Variants in MAGI3 observed in about 807,000 individuals in gnomAD.
MAGI3 encodes membrane-associated guanylate kinase, WW and PDZ domain-containing protein 3.
A neutral mutation model predicts 121.8 loss-of-function variants in MAGI3; 43 were observed. The ratio of observed to expected loss-of-function variants is 0.35; its 90% CI spans 0.28 to 0.46. MAGI3 has a LOEUF of 0.46. MAGI3 is among the 20% of genes least tolerant of loss of function. The probability of loss-of-function intolerance (pLI) is 1.00; values close to 1 mark genes in which losing one functional copy is unlikely to be tolerated. For missense variants in MAGI3, 1,547 were observed against 1,797.3 expected (o/e 0.86, Z 2.52); for synonymous variants, 553 against 639.3 (o/e 0.86, Z 2.04).
At chr1:113,513,774 A>C (rs1657740313) in intron 1 of MAGI3, among the ~76,000 whole-genome samples, 1 of 152,236 alleles carries the variant, frequency 6.6e-6, no homozygotes, top group Non-Finnish European at 1.5e-5. Flanking sequence ...CAAAATTGAC[A>C]AATGGGATCT....
At chr1:113,479,914 T>C (rs1051322864) in intron 1 of MAGI3, among the ~76,000 whole-genome samples, 1 of 152,162 alleles carries the variant, frequency 6.6e-6, no homozygotes, top group Admixed American at 6.5e-5. Context: ...TTCATTGTAT[T>C]CTTCAGTTCC....
chr1:113,529,763 A>G (rs1168824320), intron 1 of MAGI3, among the ~76,000 whole-genome samples: 1 of 152,178 alleles, frequency 6.6e-6, no homozygotes, highest in Non-Finnish European at 1.5e-5. Flanking sequence ...ATAAAACAAA[A>G]TATAATAATG....
intron 1 of MAGI3, among the ~76,000 whole-genome samples, chr1:113,485,654 G>A (rs1446927897): frequency 6.6e-6 from 1 of 152,158 alleles, no homozygotes; most frequent in African/African-American, 2.4e-5. Context: ...CTTCGCAGAA[G>A]CTTTATAGTT....
intron 16 of MAGI3, among the ~76,000 whole-genome samples, chr1:113,670,073 C>T (rs773250382): frequency 1.3e-5 from 2 of 150,058 alleles, no homozygotes; most frequent in Non-Finnish European, 3.0e-5. Flanking sequence ...AATACTTGAC[C>T]TTAAAGAGGA....
intron 1 of MAGI3, chr1:113,450,630 C>T: frequency 1.4e-5 from 14 of 1,028,386 alleles, no homozygotes; most frequent in Non-Finnish European, 2.1e-5. Flanking sequence ...AATTATGGAC[C>T]CGTGAAAGGG....
intron 19 of MAGI3, among the ~76,000 whole-genome samples, chr1:113,680,563 C>G (rs980908851): frequency 3.9e-5 from 6 of 152,050 alleles, no homozygotes; most frequent in African/African-American, 1.4e-4. Flanking sequence ...CGAGACCATC[C>G]TGGCTAACAC....
chr1:113,649,519 A>G (rs1013951303), intron 13 of MAGI3, among the ~76,000 whole-genome samples, 191 bp downstream of exon 13: 1 of 152,212 alleles, frequency 6.6e-6, no homozygotes, highest in Non-Finnish European at 1.5e-5. Context: ...CTGTGGGTAA[A>G]AACTGAATAT....
chr1:113,396,538 A>C (rs1350868761), intron 1 of MAGI3, among the ~76,000 whole-genome samples: 1 of 149,374 alleles, frequency 6.7e-6, no homozygotes, highest in East Asian at 2.0e-4. Context: ...AAAGAGGCAA[A>C]TCCATTCATT....
chr1:113,484,728 T>C (rs1354762827), intron 1 of MAGI3, among the ~76,000 whole-genome samples: 1 of 104,954 alleles, frequency 9.5e-6, no homozygotes, highest in Non-Finnish European at 1.9e-5. Context: ...TTCCCTTCCC[T>C]TCCCTTCCCT....
chr1:113,678,638 A>C (rs1345573671), intron 19 of MAGI3, among the ~76,000 whole-genome samples: 1 of 152,228 alleles, frequency 6.6e-6, no homozygotes, highest in East Asian at 1.9e-4. Flanking sequence ...TCGTAATGAT[A>C]CACTTTAAAA....
intron 1 of MAGI3, among the ~76,000 whole-genome samples, chr1:113,480,649 T>A (rs1187716512): frequency 1.3e-5 from 2 of 152,214 alleles, no homozygotes; most frequent in Non-Finnish European, 2.9e-5. Flanking sequence ...GAATGAATGA[T>A]ACAGGTAATG....
At chr1:113,437,203 TAATA>T (rs1222403132) in intron 1 of MAGI3, among the ~76,000 whole-genome samples, 2 of 151,978 alleles carry the variant, frequency 1.3e-5, no homozygotes, top group African/African-American at 4.8e-5. Flanking sequence ...TATTTAATAT[TAATA>T]TTTTATAAGT....
chr1:113,560,344 C>A (rs1459331563), intron 2 of MAGI3, among the ~76,000 whole-genome samples: 1 of 151,830 alleles, frequency 6.6e-6, no homozygotes, highest in Non-Finnish European at 1.5e-5. Flanking sequence ...CCACTGCACT[C>A]CTGCCTGAGT....
chr1:113,576,180 C>A (rs112936545), intron 2 of MAGI3, among the ~76,000 whole-genome samples: 35 of 152,220 alleles, frequency 2.3e-4, no homozygotes, highest in Non-Finnish European at 4.4e-4. Context: ...GGCTTCAGCC[C>A]CCTTTGCAGG....
At chr1:113,517,869 C>T (rs913321866) in intron 1 of MAGI3, among the ~76,000 whole-genome samples, 2 of 151,938 alleles carry the variant, frequency 1.3e-5, no homozygotes, top group Non-Finnish European at 2.9e-5. Context: ...CCTAGATTCC[C>T]TCTACCTTAA....
chr1:113,682,805 C>T (rs1381402729), intron 20 of MAGI3, 92 bp from the exon 21 acceptor site: 11 of 1,454,760 alleles, frequency 7.6e-6, no homozygotes, highest in Admixed American at 2.9e-5. Flanking sequence ...TAAGCAGTTA[C>T]GACAATTCAA....
chr1:113,556,354 G>T (rs966502218), intron 2 of MAGI3, among the ~76,000 whole-genome samples: 1 of 152,026 alleles, frequency 6.6e-6, no homozygotes, highest in African/African-American at 2.4e-5. Context: ...CTATCCGGAG[G>T]CCGGGTGCAG....
At chr1:113,528,576 C>T (rs1386269779) in intron 1 of MAGI3, among the ~76,000 whole-genome samples, 1 of 152,032 alleles carries the variant, frequency 6.6e-6, no homozygotes, top group African/African-American at 2.4e-5. Context: ...ATACTTTTCT[C>T]CTTTGAGATT....
chr1:113,522,499 G>C (rs1658248019), intron 1 of MAGI3, among the ~76,000 whole-genome samples: 1 of 152,186 alleles, frequency 6.6e-6, no homozygotes, highest in Admixed American at 6.5e-5. Flanking sequence ...ACAACCAGCT[G>C]TGTGACTTTG....
Sources: allele counts gnomAD v4.1 joint callset (sites outside exome capture counted in the v4.1 genomes callset), GRCh38; gene constraint gnomAD v4.1.1; transcripts MANE v1.5; gene names NCBI Gene and HGNC (gene_info 2026-07-23, HGNC 2026-07-21).